Variants in UBE2E2 observed in about 807,000 individuals in gnomAD.
UBE2E2 encodes the protein ubiquitin conjugating enzyme E2 E2, also known as ubiquitin-conjugating enzyme E2 E2.
In UBE2E2, 6 loss-of-function variants were observed where a neutral mutation model predicts 24.7. The observed-to-expected ratio is 0.24, with a 90% CI of 0.13 to 0.48. UBE2E2 has a LOEUF of 0.48. UBE2E2 is among the 20% of genes least tolerant of loss of function. The pLI is 0.99. For synonymous variants in UBE2E2, 104 were observed against 83.6 expected (o/e 1.24, Z -1.33); for missense variants, 169 against 245.0 (o/e 0.69, Z 2.07).
intron 5 of UBE2E2, among the ~76,000 whole-genome samples, chr3:23,546,657 G>C (rs947167059): frequency 3.3e-5 from 5 of 151,438 alleles, no homozygotes. Context: ...ATTTTTAGTA[G>C]AGGTGGGGTT....
chr3:23,278,261 A>G (rs1445114967), intron 3 of UBE2E2, among the ~76,000 whole-genome samples: 1 of 150,654 alleles, frequency 6.6e-6, no homozygotes, highest in African/African-American at 2.4e-5. Context: ...TTTTCCTATT[A>G]CTTAAGATTT....
intron 3 of UBE2E2, among the ~76,000 whole-genome samples, chr3:23,287,634 A>T: frequency 6.6e-6 from 1 of 151,984 alleles, no homozygotes; most frequent in East Asian, 1.9e-4. Context: ...GGATTTCTTC[A>T]TGGTTCAATT....
intron 5 of UBE2E2, among the ~76,000 whole-genome samples, chr3:23,584,538 A>G (rs1696564985): frequency 6.7e-6 from 1 of 149,994 alleles, no homozygotes; most frequent in Admixed American, 6.6e-5. Flanking sequence ...GAAGAGGTAG[A>G]TTACGCAATA....
intron 3 of UBE2E2, among the ~76,000 whole-genome samples, chr3:23,443,939 T>C (rs1698364056): frequency 6.6e-6 from 1 of 152,200 alleles, no homozygotes; most frequent in African/African-American, 2.4e-5. Flanking sequence ...CCTGCCACAC[T>C]GTCCGAAAGA....
At chr3:23,275,640 T>C (rs1698359252) in intron 3 of UBE2E2, among the ~76,000 whole-genome samples, 1 of 152,220 alleles carries the variant, frequency 6.6e-6, no homozygotes, top group African/African-American at 2.4e-5. Context: ...TTCAGCAGTC[T>C]TATTCTCAGT....
chr3:23,221,481 C>T (rs569056116), intron 3 of UBE2E2, among the ~76,000 whole-genome samples: 3 of 152,240 alleles, frequency 2.0e-5, no homozygotes, highest in African/African-American at 7.2e-5. Flanking sequence ...CACCAGCCCT[C>T]GGCAGCAATT....
intron 3 of UBE2E2, among the ~76,000 whole-genome samples, chr3:23,344,257 C>CA (rs1398181722): frequency 6.6e-6 from 1 of 152,094 alleles, no homozygotes; most frequent in Non-Finnish European, 1.5e-5. Flanking sequence ...ACTGAGGTCT[C>CA]AGTCATCTTA....
At chr3:23,319,200 C>G (rs1183353601) in intron 3 of UBE2E2, among the ~76,000 whole-genome samples, 1 of 152,106 alleles carries the variant, frequency 6.6e-6, no homozygotes, top group Non-Finnish European at 1.5e-5. Context: ...GTTTTATAAA[C>G]TTTTTAATTT....
intron 3 of UBE2E2, among the ~76,000 whole-genome samples, chr3:23,254,311 C>T (rs1366529454): frequency 6.6e-6 from 1 of 152,158 alleles, no homozygotes; most frequent in Non-Finnish European, 1.5e-5. Context: ...GACTTGAAAG[C>T]ATGGGGAAGA....
At chr3:23,552,644 T>C (rs1695671913) in intron 5 of UBE2E2, among the ~76,000 whole-genome samples, 1 of 152,218 alleles carries the variant, frequency 6.6e-6, no homozygotes, top group South Asian at 2.1e-4. Context: ...TGATTGTCTT[T>C]GTACAATCAG....
intron 5 of UBE2E2, among the ~76,000 whole-genome samples, chr3:23,566,448 C>T (rs914563703): frequency 2.6e-5 from 4 of 152,132 alleles, no homozygotes; most frequent in African/African-American, 9.7e-5. Context: ...ACACTCCAGA[C>T]ATGTGTTAGT....
chr3:23,268,485 C>A (rs997691127), intron 3 of UBE2E2, among the ~76,000 whole-genome samples: 8 of 150,810 alleles, frequency 5.3e-5, no homozygotes, highest in Admixed American at 4.6e-4. Context: ...CCTAGGAATC[C>A]AACTTACAAG....
chr3:23,203,465 G>A lies in UBE2E2; in HGVS notation c.-9+1G>A. 1 of 956,654 alleles carries A rather than the reference G, an allele frequency of 1.0e-6. No homozygotes were observed. The highest frequency in any genetic ancestry group is 1.2e-6 in the Non-Finnish European group (1 of 821,902). 59.3% of individuals were successfully genotyped at this position (956,654 alleles called of 1,614,324 possible). On this transcript the variant is annotated splice_donor_variant, in intron 1 of 5. Coordinates refer to ENST00000396703, the MANE Select transcript of UBE2E2 (RefSeq NM_152653.4). LOFTEE classifies it low-confidence loss of function (5UTR_SPLICE). ...ACCTGCACGGACACCCCCCCCTCAG[G>A]TATTCGCTCGGGCCGCGCCGGTGCC...
At chr3:23,421,106 G>T (rs1697786277) in intron 3 of UBE2E2, among the ~76,000 whole-genome samples, 1 of 152,240 alleles carries the variant, frequency 6.6e-6, no homozygotes, top group African/African-American at 2.4e-5. Context: ...CACTAGTAGT[G>T]CTTAGGCATC....
chr3:23,571,280 C>CTGTTTTTTTTTTTTTTTTTTTT (rs1696217145), intron 5 of UBE2E2, among the ~76,000 whole-genome samples: 1 of 29,866 alleles, frequency 3.3e-5, no homozygotes, highest in Non-Finnish European at 6.6e-5. Flanking sequence ...GTGCTCCTTT[C>CTGTTTTTTTTTTTTTTTTTTTT]TTTTTTTTTT....
At chr3:23,222,423 C>T (rs1233180478) in intron 3 of UBE2E2, among the ~76,000 whole-genome samples, 2 of 152,062 alleles carry the variant, frequency 1.3e-5, no homozygotes, top group Non-Finnish European at 1.5e-5. Context: ...CCCATAATTC[C>T]CACGTGTTGT....
At chr3:23,429,809 A>G (rs1162828915) in intron 3 of UBE2E2, among the ~76,000 whole-genome samples, 1 of 152,236 alleles carries the variant, frequency 6.6e-6, no homozygotes, top group South Asian at 2.1e-4. Context: ...CTAATAAGCA[A>G]TTATAGCAAA....
chr3:23,359,880 C>T (rs183176346), intron 3 of UBE2E2, among the ~76,000 whole-genome samples: 1 of 152,182 alleles, frequency 6.6e-6, no homozygotes, highest in East Asian at 1.9e-4. Flanking sequence ...TATGAACTAG[C>T]TTTCTAAACT....
chr3:23,359,065 C>T (rs1048828198), intron 3 of UBE2E2, among the ~76,000 whole-genome samples: 1 of 152,172 alleles, frequency 6.6e-6, no homozygotes, highest in Non-Finnish European at 1.5e-5. Flanking sequence ...ATGATCTGAT[C>T]TCATTGCCGT....
Sources: allele counts gnomAD v4.1 joint callset (sites outside exome capture counted in the v4.1 genomes callset), GRCh38; gene constraint gnomAD v4.1.1; transcripts MANE v1.5; gene names NCBI Gene and HGNC (gene_info 2026-07-23, HGNC 2026-07-21).